Variants in NEDD4 observed in about 807,000 individuals in gnomAD.
NEDD4 encodes the protein E3 ubiquitin-protein ligase NEDD4.
NEDD4 carries 99 observed loss-of-function variants against 144.9 expected under a neutral mutation model. The observed-to-expected ratio is 0.68, with a 90% confidence interval of 0.58 to 0.81. The LOEUF (loss-of-function observed/expected upper bound fraction) is 0.81. Among genes scored for constraint, NEDD4 ranks in the 30% least tolerant of loss-of-function variants. The pLI, the probability that NEDD4 is intolerant of heterozygous loss-of-function variation, is 0.00. For missense variants in NEDD4, 985 were observed against 1,065.9 expected, an observed-to-expected ratio of 0.92 and a Z score of 1.06; for synonymous variants, 318 against 350.6, an observed-to-expected ratio of 0.91 and a Z score of 1.04.
At chr15:55,920,408 C>T (rs989015426) in intron 5 of NEDD4, among the ~76,000 whole-genome samples, 1 of 152,066 alleles carries the variant, frequency 6.6e-6, no homozygotes, top group Non-Finnish European at 1.5e-5. Flanking sequence ...ACTGGTGACA[C>T]AGTGCTAACT....
At chr15:55,970,561 C>T (rs2037590223) in intron 1 of NEDD4, among the ~76,000 whole-genome samples, 1 of 152,072 alleles carries the variant, frequency 6.6e-6, no homozygotes, top group South Asian at 2.1e-4. Context: ...CAGCTCAGAA[C>T]AGAGAGAGAG....
chr15:55,852,985 A>C (rs2034054375), intron 12 of NEDD4, among the ~76,000 whole-genome samples: 1 of 151,992 alleles, frequency 6.6e-6, no homozygotes, highest in Non-Finnish European at 1.5e-5. Flanking sequence ...CCTAATCTCA[A>C]GTGATCCACC....
intron 1 of NEDD4, among the ~76,000 whole-genome samples, chr15:55,989,001 C>T (rs2037944186): frequency 6.6e-6 from 1 of 152,070 alleles, no homozygotes; most frequent in African/African-American, 2.4e-5. Context: ...TTTGGAAGGC[C>T]GAGGCAGGCG....
intron 4 of NEDD4, among the ~76,000 whole-genome samples, chr15:55,932,249 T>C (rs574171820): frequency 2.0e-5 from 3 of 152,232 alleles, no homozygotes; most frequent in African/African-American, 7.2e-5. Context: ...GGAGGCATCA[T>C]GCTACCTGAC....
chr15:55,853,383 G>A (rs1220600216), intron 12 of NEDD4, among the ~76,000 whole-genome samples: 1 of 152,152 alleles, frequency 6.6e-6, no homozygotes, highest in Admixed American at 6.5e-5. Context: ...GAATTTCAAT[G>A]AGATAATTAC....
intron 5 of NEDD4, among the ~76,000 whole-genome samples, chr15:55,908,011 G>T (rs2036155224): frequency 6.6e-6 from 1 of 152,094 alleles, no homozygotes; most frequent in Non-Finnish European, 1.5e-5. Context: ...ATTTAAGAGT[G>T]CCACTCTTCC....
chr15:55,881,893 C>T (rs2035207835), intron 5 of NEDD4, among the ~76,000 whole-genome samples: 1 of 152,080 alleles, frequency 6.6e-6, no homozygotes, highest in African/African-American at 2.4e-5. Flanking sequence ...AGGATATTTA[C>T]CAACATTCCT....
At chr15:55,974,723 T>A (rs1452447593) in intron 1 of NEDD4, among the ~76,000 whole-genome samples, 1 of 143,604 alleles carries the variant, frequency 7.0e-6, no homozygotes. Flanking sequence ...CATCTCTTCA[T>A]GATAAAAAAA....
intron 5 of NEDD4, among the ~76,000 whole-genome samples, chr15:55,876,523 T>C (rs535168986): frequency 6.6e-6 from 1 of 152,296 alleles, no homozygotes; most frequent in African/African-American, 2.4e-5. Flanking sequence ...GCAAGACTTA[T>C]ATTTTATATA....
At chr15:55,873,051 G>C (rs1194425833) in intron 6 of NEDD4, among the ~76,000 whole-genome samples, 9 of 151,906 alleles carry the variant, frequency 5.9e-5, no homozygotes, top group African/African-American at 2.2e-4. Flanking sequence ...ATCCTTCTCT[G>C]ATGTTCTGCA....
intron 5 of NEDD4, among the ~76,000 whole-genome samples, chr15:55,892,103 T>C (rs1266211202): frequency 1.3e-5 from 2 of 151,712 alleles, no homozygotes; most frequent in African/African-American, 4.8e-5. Flanking sequence ...CCGTCTCTAC[T>C]AAAAATACAA....
chr15:55,959,526 C>A (rs1250600289), intron 2 of NEDD4, among the ~76,000 whole-genome samples: 1 of 152,212 alleles, frequency 6.6e-6, no homozygotes, highest in Non-Finnish European at 1.5e-5. Flanking sequence ...CTCCTATTAT[C>A]CCCACCTCCT....
chr15:55,866,310 A>G (rs1169822444), intron 8 of NEDD4, among the ~76,000 whole-genome samples: 3 of 148,760 alleles, frequency 2.0e-5, no homozygotes, highest in Non-Finnish European at 3.0e-5. Context: ...TTCTTTCCTT[A>G]TATCCTCTTA....
intron 8 of NEDD4, among the ~76,000 whole-genome samples, chr15:55,867,007 G>A (rs565468130): frequency 6.6e-6 from 1 of 152,034 alleles, no homozygotes; most frequent in Non-Finnish European, 1.5e-5. Context: ...AGCATTCAGA[G>A]GTACAACCAA....
At chr15:55,990,683 A>C (rs1479077547) in intron 1 of NEDD4, among the ~76,000 whole-genome samples, 1 of 152,154 alleles carries the variant, frequency 6.6e-6, no homozygotes. Context: ...ATTAATTTCA[A>C]TGGAGTGTGG....
chr15:55,964,261 T>C (rs1291965500), intron 2 of NEDD4, among the ~76,000 whole-genome samples: 5 of 152,110 alleles, frequency 3.3e-5, no homozygotes, highest in Non-Finnish European at 7.4e-5. Context: ...TAGACTTTTA[T>C]ATATTAGCTA....
At position 55,940,518 on chromosome 15, in the gene NEDD4, T is replaced by TTCTCTCTCTCTCTCTC. The variant is rs60338644; in HGVS notation, c.237+10842_237+10857dup. Among the ~76,000 whole-genome samples the TTCTCTCTCTCTCTCTC allele has an allele frequency of 3.1e-4, 33 of 106,296 alleles. 1 individual carries two copies. The highest frequency in any genetic ancestry group is 1.5e-3 in the East Asian group (5 of 3,300). The allele number at this position is 106,296 out of a possible 152,430, so 69.7% of individuals were successfully genotyped here. A position where few individuals can be genotyped will look rare whatever the true frequency, so the allele number is the denominator to read the frequency against. On this transcript the variant is annotated intron_variant, in intron 4 of 28. Coordinates refer to ENST00000435532, the MANE Select transcript of NEDD4 (RefSeq NM_006154.4). ...CTCCTTCCTCCTTCCCTCCTCCCCC[T>TTCTCTCTCTCTCTCTC]TCTCTCTCTCTCTCTCTCTCTCTCT...
At chr15:55,836,846 A>G (rs1323073335) in intron 24 of NEDD4, among the ~76,000 whole-genome samples, 3 of 151,162 alleles carry the variant, frequency 2.0e-5, no homozygotes, top group African/African-American at 7.3e-5. Context: ...TTTTATAGAG[A>G]TAAGGTCTCC....
intron 1 of NEDD4, among the ~76,000 whole-genome samples, chr15:55,981,670 A>C (rs539002309): frequency 6.6e-6 from 1 of 152,318 alleles, no homozygotes; most frequent in African/African-American, 2.4e-5. Flanking sequence ...AGGAGCAAGC[A>C]GTAGTTCTCA....
Sources: allele counts gnomAD v4.1 joint callset (sites outside exome capture counted in the v4.1 genomes callset), GRCh38; gene constraint gnomAD v4.1.1; transcripts MANE v1.5; gene names NCBI Gene and HGNC (gene_info 2026-07-23, HGNC 2026-07-21).